Variants in DDX31 observed in about 807,000 individuals in gnomAD.
DDX31 encodes the protein ATP-dependent DNA helicase DDX31.
A neutral mutation model predicts 91.3 loss-of-function variants in DDX31; 70 were observed. That is an observed-to-expected ratio of 0.77 (90% CI 0.63 to 0.94). DDX31 has a LOEUF of 0.94. Ranked by LOEUF, DDX31 falls within the 40% of genes least tolerant of loss-of-function variation. DDX31 has a pLI of 0.00. For missense variants in DDX31, 902 were observed against 925.0 expected (o/e 0.98, Z 0.32); for synonymous variants, 362 against 350.6 (o/e 1.03, Z -0.36).
rs192350694 is a variant in DDX31, at chr9:132,622,705, C to T, written c.1713+2959G>A. 1.4e-4 allele frequency among the ~76,000 whole-genome samples: 22 copies of T among 152,340 alleles called. No individual in the cohort carries two copies. The East Asian group carries it at 3.9e-3, about 27-fold the overall frequency. On this transcript the variant is annotated intron_variant, in intron 17 of 19. Transcript: ENST00000372159. ...TTTATTTCTAGAGAGCTGGCAGATG[C>T]TAATGTTCCACTTATTATGATACAG...
chr9:132,651,197 T>A, intron 7 of DDX31, 81 bp from the exon 8 acceptor site: 1 of 1,210,404 alleles, frequency 8.3e-7, no homozygotes, highest in Non-Finnish European at 1.2e-6. Context: ...GTGATTAGGA[T>A]CCAAACTTGG....
intron 19 of DDX31, among the ~76,000 whole-genome samples, chr9:132,604,321 C>A (rs1379723914): frequency 6.6e-6 from 1 of 152,160 alleles, no homozygotes; most frequent in Non-Finnish European, 1.5e-5. Flanking sequence ...CCAGGCTGGA[C>A]AAGAGTTTAT....
chr9:132,662,036 A>G (rs1436738226), intron 3 of DDX31, among the ~76,000 whole-genome samples: 3 of 152,100 alleles, frequency 2.0e-5, no homozygotes. Flanking sequence ...AAAACACAAA[A>G]AAACAGAGGA....
intron 14 of DDX31, among the ~76,000 whole-genome samples, chr9:132,636,950 C>T (rs559953793): frequency 7.2e-5 from 11 of 152,250 alleles, no homozygotes; most frequent in African/African-American, 2.2e-4. Flanking sequence ...ATGCTATGTA[C>T]GTCATGAGGT....
intron 17 of DDX31, among the ~76,000 whole-genome samples, chr9:132,622,574 T>C (rs1004990197): frequency 1.3e-5 from 2 of 152,206 alleles, no homozygotes; most frequent in African/African-American, 4.8e-5. Flanking sequence ...AGAAATGATC[T>C]GCACTCGGGG....
intron 16 of DDX31, among the ~76,000 whole-genome samples, chr9:132,627,972 A>G (rs1354641645): frequency 6.6e-6 from 1 of 152,228 alleles, no homozygotes; most frequent in Non-Finnish European, 1.5e-5. Context: ...GAAACTTTCC[A>G]GTCTGCTTCT....
At chr9:132,660,505 CCAG>C (rs1023099874) in intron 4 of DDX31, among the ~76,000 whole-genome samples, 12 of 152,098 alleles carry the variant, frequency 7.9e-5, no homozygotes, top group African/African-American at 2.9e-4. Context: ...ATTCAGAGAG[CCAG>C]CAGCAGCTGT....
At chr9:132,654,945 C>CAAAAAAA (rs140953433) in intron 6 of DDX31, among the ~76,000 whole-genome samples, 1 of 90,204 alleles carries the variant, frequency 1.1e-5, no homozygotes, top group Non-Finnish European at 2.2e-5. Context: ...GACTCTGTCT[C>CAAAAAAA]AAAAAAAAAA....
At chr9:132,662,838 G>A (rs1406522290) in intron 1 of DDX31, 143 bp from the exon 2 acceptor site, 1 of 1,197,354 alleles carries the variant, frequency 8.4e-7, no homozygotes, top group Non-Finnish European at 1.1e-6. Flanking sequence ...ACAGTTTAGG[G>A]TTTGCAATCA....
chr9:132,633,535 G>A (rs532454261), intron 14 of DDX31, among the ~76,000 whole-genome samples: 97 of 151,734 alleles, frequency 6.4e-4, no homozygotes, highest in Middle Eastern at 3.2e-3. Flanking sequence ...GCTATAAAAA[G>A]AACAAAGATT....
intron 18 of DDX31, among the ~76,000 whole-genome samples, chr9:132,615,740 T>C (rs1301307313): frequency 6.6e-6 from 1 of 152,214 alleles, no homozygotes; most frequent in African/African-American, 2.4e-5. Flanking sequence ...AAACTTATGT[T>C]ACCACTCGTT....
chr9:132,653,863 C>G (rs1404409615), intron 6 of DDX31, among the ~76,000 whole-genome samples: 1 of 151,682 alleles, frequency 6.6e-6, no homozygotes, highest in Non-Finnish European at 1.5e-5. Flanking sequence ...ACAAAAATAA[C>G]CAAGACATTT....
chr9:132,660,996 G>A (rs1026230676), intron 4 of DDX31: 2 of 555,682 alleles, frequency 3.6e-6, no homozygotes, highest in Non-Finnish European at 6.3e-6. Flanking sequence ...TTGCGGTTCA[G>A]AGCCAAGGGC....
intron 1 of DDX31, among the ~76,000 whole-genome samples, chr9:132,668,366 C>T (rs1334449144): frequency 1.3e-5 from 2 of 152,118 alleles, no homozygotes; most frequent in African/African-American, 4.8e-5. Flanking sequence ...GAAAATCTGT[C>T]CCATTTTTGA....
chr9:132,617,976 C>T (rs1831750377), intron 18 of DDX31, among the ~76,000 whole-genome samples: 1 of 152,230 alleles, frequency 6.6e-6, no homozygotes, highest in Non-Finnish European at 1.5e-5. Context: ...TAATTTCCAT[C>T]TCTACAACTA....
intron 1 of DDX31, among the ~76,000 whole-genome samples, chr9:132,664,572 T>C (rs1835185749): frequency 6.6e-6 from 1 of 152,070 alleles, no homozygotes; most frequent in African/African-American, 2.4e-5. Context: ...TAGCTGGGCA[T>C]GGTGGTGCAT....
At position 132,618,384 on chromosome 9, in the gene DDX31, C is replaced by T; in HGVS notation, c.1771G>A (p.Val591Ile). 6.2e-7 allele frequency: 1 copy of T among 1,612,398 alleles called. No individual in the cohort carries two copies. The highest frequency in any genetic ancestry group is 1.1e-5 in the South Asian group (1 of 90,446). ...CTGGAGTGCACGTAATCTTCAAATA[C>T]CGTCTGCAAGACTGTGGCTCGCTCT... ...IRERATVLQT[V>I]FEDYVHSSER... Residue 591 changes from valine (V) to isoleucine (I), a missense_variant, in exon 18 of 20, where the codon GTA (valine) becomes ATA (isoleucine). Transcript: ENST00000372159.
intron 17 of DDX31, among the ~76,000 whole-genome samples, chr9:132,619,122 G>C (rs1304493363): frequency 6.6e-6 from 1 of 152,214 alleles, no homozygotes; most frequent in African/African-American, 2.4e-5. Flanking sequence ...TGCATGCAAA[G>C]AGCCTACAGA....
chr9:132,625,400 C>T (rs1832332448), intron 17 of DDX31, among the ~76,000 whole-genome samples: 1 of 152,060 alleles, frequency 6.6e-6, no homozygotes, highest in Non-Finnish European at 1.5e-5. Flanking sequence ...TGGCCTGGAC[C>T]TCCTTTCTGG....
Sources: gnomAD v4.1 joint callset for allele counts (sites outside exome capture counted in the v4.1 genomes callset) on GRCh38, gnomAD v4.1.1 for gene constraint, MANE v1.5 for transcripts, NCBI Gene and HGNC (gene_info 2026-07-23, HGNC 2026-07-21) for gene names.